Variants in MRAP2 observed in about 807,000 individuals in gnomAD.
The protein encoded by MRAP2 is melanocortin 2 receptor accessory protein 2, also known as melanocortin-2 receptor accessory protein 2.
In MRAP2, 20 loss-of-function variants were observed where a neutral mutation model predicts 17.4. That is an observed-to-expected ratio of 1.15 (90% CI 0.81 to 1.67). The LOEUF (loss-of-function observed/expected upper bound fraction) is 1.67. MRAP2 is among the 40% of genes most tolerant of loss of function. The pLI, the probability that MRAP2 is intolerant of heterozygous loss-of-function variation, is 0.00. For synonymous variants in MRAP2, 96 were observed against 88.4 expected, an observed-to-expected ratio of 1.09 and a Z score of -0.48; for missense variants, 238 against 240.0, an observed-to-expected ratio of 0.99 and a Z score of 0.05.
the MRAP2 span, among the ~76,000 whole-genome samples, chr6:84,119,730 A>G: frequency 6.6e-6 from 1 of 152,206 alleles, no homozygotes; most frequent in Non-Finnish European, 1.5e-5. Context: ...GGAGTACCCA[A>G]TCCAGATATT....
At chr6:84,035,250 T>C (rs932671999) in intron 1 of MRAP2, 1 of 174,770 alleles carries the variant, frequency 5.7e-6, no homozygotes, top group African/African-American at 2.4e-5. Flanking sequence ...GTTACAGTCA[T>C]CTTTGTGCAG....
At chr6:84,137,028 A>G in the MRAP2 span, among the ~76,000 whole-genome samples, 1 of 152,204 alleles carries the variant, frequency 6.6e-6, no homozygotes, top group Non-Finnish European at 1.5e-5. Context: ...GCCACCGTGC[A>G]AGGATTAGTA....
the MRAP2 span, among the ~76,000 whole-genome samples, chr6:84,113,603 A>G: frequency 1.3e-5 from 2 of 151,306 alleles, no homozygotes; most frequent in Non-Finnish European, 2.9e-5. Context: ...TAATATTTTT[A>G]TGTGTGAATT....
chr6:84,117,439 G>A, the MRAP2 span, among the ~76,000 whole-genome samples: 1 of 151,960 alleles, frequency 6.6e-6, no homozygotes, highest in African/African-American at 2.4e-5. Context: ...AATAGTTTCA[G>A]TCAGAATAGT....
chr6:84,133,520 G>A, the MRAP2 span, among the ~76,000 whole-genome samples: 3 of 152,268 alleles, frequency 2.0e-5, no homozygotes, highest in Admixed American at 1.3e-4. Flanking sequence ...CACCCAGTTT[G>A]AGCTTCCTGG....
the MRAP2 span, among the ~76,000 whole-genome samples, chr6:84,128,923 T>C: frequency 1.3e-5 from 2 of 151,844 alleles, no homozygotes; most frequent in Admixed American, 6.6e-5. Context: ...CTTCCACTTA[T>C]GAGTGAGAAC....
chr6:84,033,493 T>C (rs1277134944), upstream of MRAP2, among the ~76,000 whole-genome samples: 1 of 152,174 alleles, frequency 6.6e-6, no homozygotes, highest in East Asian at 1.9e-4. Context: ...GCTAATGAGC[T>C]CCTCCTGTTA....
At chr6:84,051,851 A>G (rs2129163054) in intron 1 of MRAP2, among the ~76,000 whole-genome samples, 1 of 152,206 alleles carries the variant, frequency 6.6e-6, no homozygotes, top group African/African-American at 2.4e-5. Context: ...AGAAGGGGTG[A>G]TGGTTTAATG....
At chr6:84,040,147 T>G (rs1034413204) in intron 1 of MRAP2, among the ~76,000 whole-genome samples, 2 of 152,190 alleles carry the variant, frequency 1.3e-5, no homozygotes, top group African/African-American at 4.8e-5. Context: ...TTCATGAGTT[T>G]TCATGAGACT....
At chr6:84,056,360 G>C (rs184632167) in intron 2 of MRAP2, among the ~76,000 whole-genome samples, 2 of 152,316 alleles carry the variant, frequency 1.3e-5, no homozygotes, top group East Asian at 3.9e-4. Flanking sequence ...TGGCATTCAT[G>C]ATCTCTTGCA....
chr6:84,124,706 A>C, the MRAP2 span: 1 of 271,708 alleles, frequency 3.7e-6, no homozygotes, highest in Non-Finnish European at 6.9e-6. Context: ...TACAACAAGC[A>C]CATGTACCCC....
At chr6:84,074,056 C>G (rs1169919036) in intron 3 of MRAP2, among the ~76,000 whole-genome samples, 1 of 152,048 alleles carries the variant, frequency 6.6e-6, no homozygotes, top group Non-Finnish European at 1.5e-5. Flanking sequence ...AAGCTGGGCT[C>G]AGAGCATCCC....
At chr6:84,139,294 C>T in the MRAP2 span, among the ~76,000 whole-genome samples, 1 of 152,116 alleles carries the variant, frequency 6.6e-6, no homozygotes, top group South Asian at 2.1e-4. Context: ...AGCCTAAAAA[C>T]GACTTTCCTC....
At chr6:84,034,673 T>C (rs927705597) in intron 1 of MRAP2, among the ~76,000 whole-genome samples, 14 of 151,958 alleles carry the variant, frequency 9.2e-5, no homozygotes, top group African/African-American at 3.4e-4. Context: ...TTGACAACAG[T>C]GAAACACTCT....
chr6:84,099,181 CT>C, the MRAP2 span, among the ~76,000 whole-genome samples: 8,593 of 117,320 alleles, frequency 0.073, 241 homozygotes, highest in Admixed American at 0.1. Context: ...AGATCCTTTT[CT>C]TTTTTTTTTT....
rs1288092911 is a variant in MRAP2, at chr6:84,089,200, A to G, written c.337A>G (p.Arg113Gly). 9.3e-6 allele frequency: 15 copies of G among 1,614,242 alleles called. 1 individual carries two copies. The South Asian group carries it at 1.4e-4, about 15-fold the overall frequency. The stretch of plus-strand genomic sequence containing the variant: ...TTCTCGCCAAGGCAACGAGGAGTCC[A>G]GGTCTCTCTTTCACTGCTACATCAA... ...VFSRQGNEES[R>G]SLFHCYINEV... The change falls in exon 4 of 4, where the codon AGG becomes GGG. Residue 113 changes from arginine to glycine, a missense_variant. Coordinates refer to ENST00000257776, the MANE Select transcript of MRAP2 (RefSeq NM_138409.4).
At chr6:84,099,215 C>A in the MRAP2 span, among the ~76,000 whole-genome samples, 2 of 139,442 alleles carry the variant, frequency 1.4e-5, no homozygotes, top group African/African-American at 5.3e-5. Context: ...GATATCTAAT[C>A]GTTCCAGCAT....
chr6:84,052,833 G>T, intron 1 of MRAP2: 1 of 983,222 alleles, frequency 1.0e-6, no homozygotes, highest in East Asian at 1.1e-4. Flanking sequence ...TCAGAGCTTT[G>T]CTCCTCTCTT....
At chr6:84,117,644 T>G in the MRAP2 span, among the ~76,000 whole-genome samples, 139 of 104,616 alleles carry the variant, frequency 1.3e-3, no homozygotes, top group African/African-American at 0.01. Context: ...GGATGTGGGG[T>G]GTGTGTCTGT....
Sources: gnomAD v4.1 joint callset for allele counts (sites outside exome capture counted in the v4.1 genomes callset) on GRCh38, gnomAD v4.1.1 for gene constraint, MANE v1.5 for transcripts, NCBI Gene and HGNC (gene_info 2026-07-23, HGNC 2026-07-21) for gene names.